Variants in DNAJC1 observed in about 807,000 individuals in gnomAD.
DNAJC1 encodes DnaJ heat shock protein family (Hsp40) member C1.
DNAJC1 carries 58 observed loss-of-function variants against 76.6 expected under a neutral mutation model. The observed-to-expected ratio is 0.76, with a 90% confidence interval of 0.61 to 0.94. DNAJC1 has a LOEUF of 0.94. DNAJC1 is among the 40% of genes least tolerant of loss of function. The pLI is 0.00. For synonymous variants in DNAJC1, 258 were observed against 267.9 expected (o/e 0.96, Z 0.36); for missense variants, 689 against 677.3 (o/e 1.02, Z -0.19).
Position 21,766,315 on chromosome 10 carries a change from T to G in DNAJC1, c.1099-6A>C. 1 of 1,613,436 alleles carries G rather than the reference T, an allele frequency of 6.2e-7. No individual in the cohort carries two copies. Among genetic ancestry groups the G allele is most frequent in the African/African-American group, 1.3e-5 (1 of 75,044 alleles). On this transcript the variant is annotated splice_region_variant and splice_polypyrimidine_tract_variant and intron_variant, in intron 9 of 11. Coordinates refer to ENST00000376980, the MANE Select transcript of DNAJC1 (RefSeq NM_022365.4). ...TGCTTGGCTTTGGTTGTCACCTGTTTCAAAACATAAAAGCAAAAATCTTAC... is the reference window on the plus strand; with the variant it reads ...TGCTTGGCTTTGGTTGTCACCTGTTGCAAAACATAAAAGCAAAAATCTTAC...
chr10:21,814,709 C>A (rs1335213596), intron 8 of DNAJC1, among the ~76,000 whole-genome samples: 2 of 152,176 alleles, frequency 1.3e-5, no homozygotes, highest in Non-Finnish European at 2.9e-5. Flanking sequence ...GAAAGATACA[C>A]TCTTGTATTA....
chr10:21,919,885 A>G lies in DNAJC1; in HGVS notation c.582T>C (p.Thr194=). The G allele has an allele frequency of 6.2e-7, 1 of 1,608,998 alleles. No individual in the cohort carries two copies. Among genetic ancestry groups the G allele is most frequent in the Middle Eastern group, 1.7e-4 (1 of 6,038 alleles). ...SRKKREKKKK[T]GSKSVDVSKL... is the part of the protein sequence containing the mutation. ...TTGATACATCCACACTCTTGCTGCC[A>G]GTCTTTTTTTTCTTTTCTCTCTTTT... is the stretch of plus-strand genomic sequence containing the variant. The change falls in exon 5 of 12, where the codon ACT becomes ACC. Residue 194 remains threonine (T), a synonymous_variant. Transcript: ENST00000376980.
intron 8 of DNAJC1, among the ~76,000 whole-genome samples, chr10:21,879,239 A>G (rs1210974779): frequency 6.6e-6 from 1 of 152,218 alleles, no homozygotes; most frequent in African/African-American, 2.4e-5. Context: ...TACCTCAGAG[A>G]TATTCCAAGT....
chr10:22,003,472 C>T lies in DNAJC1; in HGVS notation c.-38G>A. On this transcript the variant is annotated 5_prime_UTR_variant, in exon 1 of 12. Coordinates refer to ENST00000376980, the MANE Select transcript of DNAJC1 (RefSeq NM_022365.4). ...GGAAAGGTCACCCGCCGCGCAGCTCCGTTGGCCGAGAGCTGGGACGTGGCG... is the reference window on the plus strand; with the variant it reads ...GGAAAGGTCACCCGCCGCGCAGCTCTGTTGGCCGAGAGCTGGGACGTGGCG... The T allele has an allele frequency of 7.5e-7, 1 of 1,329,752 alleles. No homozygotes were observed. The highest frequency in any genetic ancestry group is 9.6e-7 in the Non-Finnish European group (1 of 1,046,846). The allele number at this position is 1,329,752 out of a possible 1,614,324, so 82.4% of individuals were successfully genotyped here.
At chr10:21,782,741 T>C (rs1326098447) in intron 9 of DNAJC1, among the ~76,000 whole-genome samples, 1 of 152,196 alleles carries the variant, frequency 6.6e-6, no homozygotes, top group Non-Finnish European at 1.5e-5. Flanking sequence ...GCAAGGCTGG[T>C]TGAACATATG....
chr10:21,768,428 T>C (rs1278503546), intron 9 of DNAJC1, among the ~76,000 whole-genome samples: 1 of 152,186 alleles, frequency 6.6e-6, no homozygotes, highest in African/African-American at 2.4e-5. Context: ...CAGACAGCAA[T>C]TTTCCATCCT....
intron 1 of DNAJC1, among the ~76,000 whole-genome samples, chr10:21,988,020 T>C (rs1409817868): frequency 6.6e-6 from 1 of 152,186 alleles, no homozygotes; most frequent in Non-Finnish European, 1.5e-5. Flanking sequence ...ATATTACTAC[T>C]GATTTCACAG....
At chr10:21,993,332 T>C (rs545709209) in intron 1 of DNAJC1, among the ~76,000 whole-genome samples, 6 of 152,310 alleles carry the variant, frequency 3.9e-5, no homozygotes, top group African/African-American at 1.2e-4. Flanking sequence ...TTTCATACCA[T>C]GGCACGTTAC....
intron 8 of DNAJC1, among the ~76,000 whole-genome samples, chr10:21,816,608 C>G (rs1419679357): frequency 1.4e-5 from 2 of 147,020 alleles, no homozygotes; most frequent in Non-Finnish European, 3.0e-5. Flanking sequence ...TGCAGTGGTG[C>G]GATCTCCGCT....
chr10:21,797,068 TTA>T (rs1396969385), intron 9 of DNAJC1, among the ~76,000 whole-genome samples: 1 of 152,206 alleles, frequency 6.6e-6, no homozygotes, highest in Non-Finnish European at 1.5e-5. Context: ...TCTAGGCATT[TTA>T]TGGCTTCAGG....
chr10:21,852,092 TACACACACACACACACACACACACAC>T (rs58289439), intron 8 of DNAJC1, among the ~76,000 whole-genome samples: 2 of 146,198 alleles, frequency 1.4e-5, no homozygotes, highest in Admixed American at 6.9e-5. Context: ...AATTGTGAGA[TACACACACACACACACACACACACAC>T]ACACACACAC....
intron 8 of DNAJC1, among the ~76,000 whole-genome samples, chr10:21,876,540 A>G (rs1158493601): frequency 6.6e-6 from 1 of 152,264 alleles, no homozygotes; most frequent in African/African-American, 2.4e-5. Context: ...TCTCAGCTGA[A>G]TAATTTGTGG....
chr10:21,832,324 T>C (rs969055970), intron 8 of DNAJC1, among the ~76,000 whole-genome samples: 2 of 152,222 alleles, frequency 1.3e-5, no homozygotes, highest in African/African-American at 4.8e-5. Context: ...TGTGCTTCCC[T>C]GGTTTTAGCC....
At chr10:21,803,589 CTGTGTG>C (rs113615504) in intron 9 of DNAJC1, among the ~76,000 whole-genome samples, 104 of 140,732 alleles carry the variant, frequency 7.4e-4, no homozygotes, top group Middle Eastern at 3.5e-3. Flanking sequence ...GAGTGATTTT[CTGTGTG>C]TGTGTGTGTG....
At chr10:21,843,184 T>C (rs935261337) in intron 8 of DNAJC1, among the ~76,000 whole-genome samples, 3 of 152,178 alleles carry the variant, frequency 2.0e-5, no homozygotes, top group East Asian at 1.9e-4. Flanking sequence ...TGTATGATTA[T>C]TGGAATAAGC....
intron 9 of DNAJC1, among the ~76,000 whole-genome samples, chr10:21,787,624 C>T (rs1834629033): frequency 6.6e-6 from 1 of 152,184 alleles, no homozygotes; most frequent in Admixed American, 6.5e-5. Context: ...CTCAGGATAG[C>T]CACATCATGA....
intron 7 of DNAJC1, among the ~76,000 whole-genome samples, chr10:21,891,554 A>C (rs1468286164): frequency 6.6e-6 from 1 of 152,152 alleles, no homozygotes; most frequent in Admixed American, 6.5e-5. Context: ...ACAGCAACTT[A>C]AAAGCAGCAA....
At chr10:21,825,940 T>C (rs752632626) in intron 8 of DNAJC1, among the ~76,000 whole-genome samples, 3 of 152,116 alleles carry the variant, frequency 2.0e-5, no homozygotes, top group African/African-American at 4.8e-5. Context: ...AGATAGATGA[T>C]AGAAAACATA....
intron 1 of DNAJC1, among the ~76,000 whole-genome samples, chr10:21,998,389 C>CAAAAAA (rs60371730): frequency 1.0e-4 from 10 of 95,796 alleles, no homozygotes; most frequent in South Asian, 4.1e-4. Flanking sequence ...GACTCCATCT[C>CAAAAAA]AAAAAAAAAA....
Sources: allele counts gnomAD v4.1 joint callset (sites outside exome capture counted in the v4.1 genomes callset), GRCh38; gene constraint gnomAD v4.1.1; transcripts MANE v1.5; gene names NCBI Gene and HGNC (gene_info 2026-07-23, HGNC 2026-07-21).